NAALADL2: variants seen among roughly 807,000 people sequenced by gnomAD.
The protein encoded by NAALADL2 is inactive N-acetylated-alpha-linked acidic dipeptidase-like protein 2.
NAALADL2 carries 76 observed loss-of-function variants against 87.2 expected under a neutral mutation model. That is an observed-to-expected ratio of 0.87 (90% CI 0.72 to 1.05). The LOEUF is 1.05. NAALADL2 is among the 50% of genes least tolerant of loss of function. The pLI is 0.00. For missense variants in NAALADL2, 1,089 were observed against 945.8 expected (o/e 1.15, Z -1.99); for synonymous variants, 354 against 331.0 (o/e 1.07, Z -0.75).
At chr3:174,524,415 A>G (rs940616930) in intron 1 of NAALADL2, among the ~76,000 whole-genome samples, 6 of 152,188 alleles carry the variant, frequency 3.9e-5, no homozygotes, top group Non-Finnish European at 8.8e-5. Context: ...CCCAGGCTTG[A>G]AGGTATCTTC....
intron 13 of NAALADL2, among the ~76,000 whole-genome samples, chr3:175,781,368 T>G (rs946992670): frequency 1.3e-5 from 2 of 152,234 alleles, no homozygotes; most frequent in South Asian, 4.1e-4. Context: ...GCTGAAAATC[T>G]CCTATTGCCT....
chr3:175,544,671 T>C (rs965904020), intron 9 of NAALADL2, among the ~76,000 whole-genome samples: 6 of 152,164 alleles, frequency 3.9e-5, no homozygotes, highest in Non-Finnish European at 1.5e-5. Context: ...TATTTTATAA[T>C]GTTTTTTCAA....
intron 5 of NAALADL2, among the ~76,000 whole-genome samples, chr3:175,375,666 G>C (rs1767044114): frequency 6.6e-6 from 1 of 152,044 alleles, no homozygotes; most frequent in Admixed American, 6.6e-5. Flanking sequence ...TTATATTGAA[G>C]GGAGTTTTGT....
At position 175,387,669 on chromosome 3, in the gene NAALADL2, T is replaced by C. The variant is rs531251518; in HGVS notation, c.1091-59560T>C. ...ACACTAGAGAAAGATTTGTTGAATA[T>C]ACTAAAAGAATGATTTGTGTTTAAA... On this transcript the variant is annotated intron_variant, in intron 5 of 13. Transcript: ENST00000454872. Among the ~76,000 whole-genome samples, 7 of 152,216 alleles carry C rather than the reference T, an allele frequency of 4.6e-5. No homozygotes were observed. In the South Asian group the frequency reaches 1.4e-3, roughly 32 times the overall value.
intron 2 of NAALADL2, among the ~76,000 whole-genome samples, chr3:174,657,513 A>G (rs111983099): frequency 4.6e-5 from 7 of 152,238 alleles, no homozygotes; most frequent in African/African-American, 1.7e-4. Context: ...AGAAAACTTG[A>G]GAGGAAGGCA....
chr3:175,268,323 AATATG>A (rs1337735610), intron 4 of NAALADL2, among the ~76,000 whole-genome samples: 2 of 152,278 alleles, frequency 1.3e-5, no homozygotes, highest in East Asian at 3.9e-4. Context: ...GTACAGTAAA[AATATG>A]ATATAAGAGA....
chr3:175,096,906 A>T lies in NAALADL2; in HGVS notation c.160A>T (p.Lys54Ter). The T allele has an allele frequency of 1.2e-6, 2 of 1,613,452 alleles. No individual in the cohort carries two copies. Among genetic ancestry groups the T allele is most frequent in the Non-Finnish European group, 1.7e-6 (2 of 1,179,648 alleles). ...TALDLEWDME[K>*]ELEESGFDQF... The stretch of plus-strand genomic sequence containing the variant: ...CCTTGACTTAGAGTGGGACATGGAG[A>T]AGGAACTAGAGGAGTCTGGTTTTGA... The change falls in exon 2 of 14, where the codon AAG becomes TAG. Residue 54 changes from lysine (K) to a stop codon, truncating the protein, a stop_gained. Transcript: ENST00000454872. LOFTEE classifies it high-confidence loss of function.
chr3:175,458,919 T>C (rs534551960), intron 6 of NAALADL2, among the ~76,000 whole-genome samples: 3 of 152,266 alleles, frequency 2.0e-5, no homozygotes, highest in African/African-American at 7.2e-5. Context: ...CTTCTCACTT[T>C]GCTTCAATGG....
intron 13 of NAALADL2, among the ~76,000 whole-genome samples, chr3:175,772,514 C>T (rs1027511596): frequency 6.6e-5 from 10 of 152,150 alleles, no homozygotes; most frequent in African/African-American, 2.2e-4. Context: ...AGTGACAGTT[C>T]ATTCTAGTAG....
At chr3:175,221,781 A>T (rs1374333899) in intron 2 of NAALADL2, among the ~76,000 whole-genome samples, 1 of 151,082 alleles carries the variant, frequency 6.6e-6, no homozygotes, top group Non-Finnish European at 1.5e-5. Context: ...TTATTTATTT[A>T]TTTATTTTTT....
At chr3:175,155,542 A>G (rs1052660090) in intron 2 of NAALADL2, among the ~76,000 whole-genome samples, 14 of 152,116 alleles carry the variant, frequency 9.2e-5, no homozygotes, top group Non-Finnish European at 1.3e-4. Flanking sequence ...AATTCATGGT[A>G]CTTTAAGTGG....
At chr3:175,745,204 T>A (rs1386556949) in intron 12 of NAALADL2, among the ~76,000 whole-genome samples, 1 of 152,186 alleles carries the variant, frequency 6.6e-6, no homozygotes, top group Non-Finnish European at 1.5e-5. Context: ...GTTGATTTAT[T>A]GGATGGTTCT....
At chr3:174,947,289 CT>C (rs1739584551) in intron 1 of NAALADL2, among the ~76,000 whole-genome samples, 1 of 151,596 alleles carries the variant, frequency 6.6e-6, no homozygotes, top group Non-Finnish European at 1.5e-5. Flanking sequence ...TTGTTTTTTT[CT>C]TTTTTGCACA....
At chr3:175,248,535 T>G (rs2109734466) in intron 3 of NAALADL2, among the ~76,000 whole-genome samples, 1 of 152,198 alleles carries the variant, frequency 6.6e-6, no homozygotes, top group Admixed American at 6.5e-5. Flanking sequence ...CAAATCTCTC[T>G]CTCTCTCTCC....
intron 8 of NAALADL2, among the ~76,000 whole-genome samples, chr3:175,470,953 G>A (rs935999692): frequency 5.9e-5 from 9 of 152,114 alleles, no homozygotes; most frequent in African/African-American, 1.9e-4. Flanking sequence ...ATTCATCACT[G>A]AAGTGGTTTA....
intron 2 of NAALADL2, among the ~76,000 whole-genome samples, chr3:175,112,389 C>T (rs1459847620): frequency 6.6e-6 from 1 of 151,590 alleles, no homozygotes; most frequent in Non-Finnish European, 1.5e-5. Flanking sequence ...ATTTTGATGA[C>T]AACTAAGATA....
At chr3:175,193,110 C>A (rs576574498) in intron 2 of NAALADL2, among the ~76,000 whole-genome samples, 1 of 151,972 alleles carries the variant, frequency 6.6e-6, no homozygotes, top group African/African-American at 2.4e-5. Flanking sequence ...TATTTTTAAT[C>A]TACAAAATGT....
At chr3:175,179,877 A>G (rs1736208894) in intron 2 of NAALADL2, among the ~76,000 whole-genome samples, 1 of 152,090 alleles carries the variant, frequency 6.6e-6, no homozygotes, top group Non-Finnish European at 1.5e-5. Flanking sequence ...GATTTGAAAA[A>G]CTATTTCTGA....
At chr3:175,067,472 C>A (rs763141067) in intron 1 of NAALADL2, among the ~76,000 whole-genome samples, 1 of 152,020 alleles carries the variant, frequency 6.6e-6, no homozygotes. Context: ...TATCAGCGGC[C>A]AACAGACGTA....
Sources: allele counts gnomAD v4.1 joint callset (sites outside exome capture counted in the v4.1 genomes callset), GRCh38; gene constraint gnomAD v4.1.1; transcripts MANE v1.5; gene names NCBI Gene and HGNC (gene_info 2026-07-23, HGNC 2026-07-21).